The following CSMD1 variants were observed in gnomAD, a reference collection of about 807,000 sequenced individuals.
CSMD1 encodes CUB and Sushi multiple domains 1, also known as CUB and sushi domain-containing protein 1.
A neutral mutation model predicts 417.5 loss-of-function variants in CSMD1; 213 were observed. The ratio of observed to expected loss-of-function variants is 0.51; its 90% CI spans 0.46 to 0.57. CSMD1 has a LOEUF of 0.57. Among genes scored for constraint, CSMD1 ranks in the 20% least tolerant of loss-of-function variants. The pLI is 0.00. For synonymous variants in CSMD1, 2,862 were observed against 1,736.8 expected, an observed-to-expected ratio of 1.65 and a Z score of -16.11; for missense variants, 6,923 against 4,529.7, an observed-to-expected ratio of 1.53 and a Z score of -15.17.
At chr8:4,327,474 T>C (rs1799625366) in intron 3 of CSMD1, among the ~76,000 whole-genome samples, 1 of 152,138 alleles carries the variant, frequency 6.6e-6, no homozygotes, top group Non-Finnish European at 1.5e-5. Flanking sequence ...TGTAGGTAAC[T>C]GGGGATGAGC....
At chr8:4,211,012 A>G (rs1800274928) in intron 3 of CSMD1, among the ~76,000 whole-genome samples, 1 of 152,214 alleles carries the variant, frequency 6.6e-6, no homozygotes, top group South Asian at 2.1e-4. Context: ...CCACAATGAA[A>G]TAAAAGTTTC....
intron 7 of CSMD1, among the ~76,000 whole-genome samples, chr8:3,621,534 AC>A (rs1796241898): frequency 1.3e-5 from 2 of 152,174 alleles, no homozygotes; most frequent in South Asian, 4.1e-4. Flanking sequence ...TGATGGATGT[AC>A]AATAGCATCA....
intron 1 of CSMD1, among the ~76,000 whole-genome samples, chr8:4,982,412 A>G (rs1810944650): frequency 6.6e-6 from 1 of 152,210 alleles, no homozygotes; most frequent in Non-Finnish European, 1.5e-5. Flanking sequence ...AGAGAATGCT[A>G]TAAAATTATC....
At chr8:4,877,440 T>C (rs1803113952) in intron 1 of CSMD1, among the ~76,000 whole-genome samples, 1 of 152,118 alleles carries the variant, frequency 6.6e-6, no homozygotes, top group Non-Finnish European at 1.5e-5. Flanking sequence ...TTTCTGTCCC[T>C]TATAAACACC....
At chr8:4,181,288 T>C (rs1031296740) in intron 3 of CSMD1, among the ~76,000 whole-genome samples, 4 of 152,208 alleles carry the variant, frequency 2.6e-5, no homozygotes, top group African/African-American at 4.8e-5. Context: ...TTGATATTTA[T>C]TGTAAAACAA....
chr8:3,977,102 A>T (rs1028475347), intron 5 of CSMD1, among the ~76,000 whole-genome samples: 1 of 152,050 alleles, frequency 6.6e-6, no homozygotes, highest in African/African-American at 2.4e-5. Context: ...CTTTCATCTT[A>T]ATTTCTGCAT....
chr8:4,330,991 G>A (rs922985170), intron 3 of CSMD1, among the ~76,000 whole-genome samples: 14 of 152,060 alleles, frequency 9.2e-5, no homozygotes, highest in Admixed American at 5.9e-4. Context: ...AGCCGCCTTT[G>A]TGTTACTGTG....
intron 52 of CSMD1, among the ~76,000 whole-genome samples, chr8:3,015,286 T>C (rs1188115519): frequency 6.6e-6 from 1 of 152,178 alleles, no homozygotes; most frequent in Non-Finnish European, 1.5e-5. Flanking sequence ...CTCTTCAACA[T>C]GTCCTGGGAC....
At chr8:3,319,735 T>G (rs928102797) in intron 23 of CSMD1, among the ~76,000 whole-genome samples, 5 of 152,092 alleles carry the variant, frequency 3.3e-5, no homozygotes, top group Non-Finnish European at 1.5e-5. Flanking sequence ...GTAAGAAAAG[T>G]GTCAGAAGAA....
At chr8:2,976,556 C>G (rs1442299670) in intron 55 of CSMD1, among the ~76,000 whole-genome samples, 4 of 152,074 alleles carry the variant, frequency 2.6e-5, no homozygotes, top group African/African-American at 4.8e-5. Flanking sequence ...GCTAGGTTGT[C>G]CAAGTTGATC....
rs375724650 is a variant in CSMD1, at chr8:3,772,498, C to T, written c.819-18456G>A. Among the ~76,000 whole-genome samples the T allele has an allele frequency of 1.1e-3, 13 of 11,942 alleles. 1 individual carries two copies. Among genetic ancestry groups the T allele is most frequent in the Admixed American group, 2.8e-3 (2 of 720 alleles). The allele number at this position is 11,942 out of a possible 152,430, so 7.8% of individuals were successfully genotyped here. On this transcript the variant is annotated intron_variant, in intron 5 of 69. Coordinates refer to ENST00000635120, the MANE Select transcript of CSMD1 (RefSeq NM_033225.6). ...ATATATACATATATACACATATATA[C>T]ATATATACACATATATACATATATA...
chr8:3,761,386 T>C (rs926608916), intron 5 of CSMD1, among the ~76,000 whole-genome samples: 2 of 151,964 alleles, frequency 1.3e-5, no homozygotes, highest in Admixed American at 6.6e-5. Context: ...GTATATACTA[T>C]CTGGGGAAAA....
chr8:4,011,056 C>T (rs902769124), intron 4 of CSMD1, among the ~76,000 whole-genome samples: 1 of 152,160 alleles, frequency 6.6e-6, no homozygotes, highest in Admixed American at 6.5e-5. Flanking sequence ...TTGCCAAATC[C>T]TCACTGCCAC....
At chr8:3,081,455 A>T (rs11136571) in intron 49 of CSMD1, among the ~76,000 whole-genome samples, 10,126 of 152,270 alleles carry the variant, frequency 0.067, 373 homozygotes, top group Non-Finnish European at 0.09. Flanking sequence ...GCTATTTTTT[A>T]AAATTATTTT....
intron 5 of CSMD1, among the ~76,000 whole-genome samples, chr8:3,844,573 C>T (rs774004392): frequency 3.9e-5 from 6 of 152,098 alleles, no homozygotes; most frequent in Non-Finnish European, 8.8e-5. Context: ...AAAGTAATAA[C>T]TAGAGGCCAA....
intron 8 of CSMD1, among the ~76,000 whole-genome samples, chr8:3,599,194 C>A (rs951373920): frequency 2.0e-5 from 3 of 149,282 alleles, no homozygotes; most frequent in Non-Finnish European, 4.4e-5. Context: ...ATGAGGGATA[C>A]TGTATATATT....
rs146577117 is a variant in CSMD1 at position 4,225,667 on chromosome 8, G to A, written c.416-193568C>T. Among the ~76,000 whole-genome samples the A allele has an allele frequency of 2.1e-3, 313 of 152,200 alleles. 4 individuals are homozygous for A. The highest frequency in any genetic ancestry group is 3.5e-4 in the Non-Finnish European group (24 of 68,010). ...CCAGAGAAATTAAAAGCAGGAAAGTGGTGATGCCTTAGGAAACTGTCTCAC... is the reference window on the plus strand; with the variant it reads ...CCAGAGAAATTAAAAGCAGGAAAGTAGTGATGCCTTAGGAAACTGTCTCAC... On this transcript the variant is annotated intron_variant, in intron 3 of 69. Transcript: ENST00000635120.
intron 3 of CSMD1, among the ~76,000 whole-genome samples, chr8:4,161,170 G>A (rs151298660): frequency 6.3e-4 from 95 of 151,630 alleles, no homozygotes; most frequent in South Asian, 2.1e-3. Context: ...TCAGAAGGAT[G>A]AAGTACTTGC....
intron 2 of CSMD1, among the ~76,000 whole-genome samples, chr8:4,481,208 C>A (rs1302367909): frequency 1.3e-5 from 2 of 152,248 alleles, no homozygotes; most frequent in Admixed American, 6.5e-5. Context: ...TTTAGCTTTA[C>A]CTTCCTATCA....
Sources: gnomAD v4.1 joint callset for allele counts (sites outside exome capture counted in the v4.1 genomes callset) on GRCh38, gnomAD v4.1.1 for gene constraint, MANE v1.5 for transcripts, NCBI Gene and HGNC (gene_info 2026-07-23, HGNC 2026-07-21) for gene names.